The following KRT25 variants were observed in gnomAD, a reference collection of about 807,000 sequenced individuals.
The protein encoded by KRT25 is keratin 25.
A neutral mutation model predicts 47.6 loss-of-function variants in KRT25; 37 were observed. The ratio of observed to expected loss-of-function variants is 0.78; its 90% CI spans 0.60 to 1.02. The LOEUF is 1.02. Ranked by LOEUF, KRT25 falls within the 50% of genes least tolerant of loss-of-function variation. KRT25 has a pLI of 0.00. For synonymous variants in KRT25, 203 were observed against 210.2 expected (o/e 0.97, Z 0.30); for missense variants, 542 against 550.3 (o/e 0.98, Z 0.15).
At chr17:40,751,954 T>C (rs2038054699) in intron 3 of KRT25, among the ~76,000 whole-genome samples, 1 of 151,916 alleles carries the variant, frequency 6.6e-6, no homozygotes, top group Admixed American at 6.6e-5. Flanking sequence ...GAATCCCAGC[T>C]GTCTATTAAG....
Position 40,749,298 on chromosome 17 carries a change from A to T in KRT25, c.1203T>A (p.Ser401=). ...CCACATTTCCAGATCCATAATCTTT[A>T]GACTTGTAACCCCCAGACTTACAGG... ...DGACKSGGYK[S]KDYGSGNVGS... is the part of the protein sequence containing the mutation. Residue 401 remains serine (S), a synonymous_variant, in exon 7 of 8, where the codon TCT becomes TCA. Transcript: ENST00000312150. 6.2e-7 allele frequency: 1 copy of T among 1,613,744 alleles called. No homozygotes were observed. Among genetic ancestry groups the T allele is most frequent in the Non-Finnish European group, 8.5e-7 (1 of 1,179,630 alleles).
At chr17:40,750,675 G>C in intron 5 of KRT25, 78 bp from the exon 6 acceptor site, 1 of 1,578,828 alleles carries the variant, frequency 6.3e-7, no homozygotes, top group East Asian at 2.2e-5. Flanking sequence ...ATTTTCTCCT[G>C]CTGTTAACTT....
chr17:40,755,255 G>A lies in KRT25; in HGVS notation c.17C>T (p.Ser6Phe). The A allele has an allele frequency of 6.2e-7, 1 of 1,613,542 alleles. No homozygotes were observed. Among genetic ancestry groups the A allele is most frequent in the South Asian group, 1.1e-5 (1 of 91,006 alleles). MSLRL[S>F]SASRRSCPRP... ...AGGACAGGACCTCCTGGATGCACTG[G>A]AAAGTCGAAGAGACATGGTATCAGG... is the stretch of plus-strand genomic sequence containing the variant. Residue 6 changes from serine (S) to phenylalanine (F), a missense_variant, in exon 1 of 8, where the codon TCC becomes TTC. Physicochemically the swap from Ser to Phe is radical, Grantham distance 155. Coordinates refer to ENST00000312150, the MANE Select transcript of KRT25 (RefSeq NM_181534.4).
chr17:40,754,337 G>A (rs914524641), intron 2 of KRT25, 49 bp downstream of exon 2: 1 of 1,429,632 alleles, frequency 7.0e-7, no homozygotes, highest in Admixed American at 1.7e-5. Flanking sequence ...TTGATGTAAT[G>A]CGTTGCATGA....
At chr17:40,752,690 T>C (rs1328087256) in intron 3 of KRT25, among the ~76,000 whole-genome samples, 2 of 152,208 alleles carry the variant, frequency 1.3e-5, no homozygotes, top group Admixed American at 6.5e-5. Flanking sequence ...CAATTGCTTT[T>C]GATTCATCAA....
At position 40,748,079 on chromosome 17, in the gene KRT25, A is replaced by G; in HGVS notation, c.*198T>C. 1 of 443,732 alleles carries G rather than the reference A, an allele frequency of 2.3e-6. No individual in the cohort carries two copies. The highest frequency in any genetic ancestry group is 3.7e-5 in the East Asian group (1 of 26,902). 27.5% of individuals were successfully genotyped at this position (443,732 alleles called of 1,614,324 possible). ...AGAATTGACAACAGATTTCTGTAGG[A>G]TAATCAAATGAGTCATATTTGTGTG... On this transcript the variant is annotated 3_prime_UTR_variant, in exon 8 of 8. Transcript: ENST00000312150.
chr17:40,751,877 TGC>T (rs1491436451), intron 3 of KRT25, among the ~76,000 whole-genome samples: 2 of 87,190 alleles, frequency 2.3e-5, no homozygotes, highest in Non-Finnish European at 5.0e-5. Context: ...TGTGTGTGTG[TGC>T]GTGCGTGTGT....
chr17:40,751,881 TGC>T (rs140759175), intron 3 of KRT25, among the ~76,000 whole-genome samples: 36 of 83,322 alleles, frequency 4.3e-4, no homozygotes, highest in South Asian at 8.2e-4. Flanking sequence ...TGTGTGTGCG[TGC>T]GTGTGTGTGT....
rs1400040296 is a variant in KRT25, at chr17:40,750,418, T to G, written c.1137A>C (p.Glu379Asp). ...CTATAAGGAGACAGTAGGTCTCAAT[T>G]TCTTTTTCCAGGTGGAGCTTGATGT... ...LLDIKLHLEK[E>D]IETYCLLIGG... Residue 379 changes from glutamate (E) to aspartate (D), a missense_variant, in exon 6 of 8, where the codon GAA (glutamate) becomes GAC (aspartate). By Grantham distance (45) the Glu-to-Asp change is conservative. Coordinates refer to ENST00000312150, the MANE Select transcript of KRT25 (RefSeq NM_181534.4). 3 of 1,613,984 alleles carry G rather than the reference T, an allele frequency of 1.9e-6. No homozygotes were observed. In the Admixed American group the frequency reaches 5.0e-5, roughly 27 times the overall value.
rs116486659 is a variant in KRT25 at position 40,749,149 on chromosome 17, C to T, written c.1243+109G>A. On this transcript the variant is annotated intron_variant, in intron 7 of 7. Transcript: ENST00000312150. ...TCAAATAATATGCACAACAAACCTCCGTGACACGTGTTTACCTATGTAACA... is the reference window on the plus strand; with the variant it reads ...TCAAATAATATGCACAACAAACCTCTGTGACACGTGTTTACCTATGTAACA... 1,041 of 784,974 alleles carry T rather than the reference C, an allele frequency of 1.3e-3. 10 individuals are homozygous for T. In the African/African-American group the frequency reaches 0.016, roughly 12 times the overall value. The allele number at this position is 784,974 out of a possible 1,614,324, so 48.6% of individuals were successfully genotyped here. A position where few individuals can be genotyped will look rare whatever the true frequency, so the allele number is the denominator to read the frequency against.
chr17:40,753,683 CAAAAAAAAAAAAAAAAAA>C (rs60610884), intron 3 of KRT25, among the ~76,000 whole-genome samples, 159 bp downstream of exon 3: 37 of 30,458 alleles, frequency 1.2e-3, no homozygotes, highest in East Asian at 0.011. Flanking sequence ...GACTCCGTCT[CAAAAAAAAAAAAAAAAAA>C]AAAAAAAAAA....
At chr17:40,752,808 G>A (rs893026848) in intron 3 of KRT25, among the ~76,000 whole-genome samples, 1 of 152,158 alleles carries the variant, frequency 6.6e-6, no homozygotes, top group Non-Finnish European at 1.5e-5. Flanking sequence ...AATCAAGTAG[G>A]ATTCTTAGCT....
At position 40,750,442 on chromosome 17, in the gene KRT25, G is replaced by A. The variant is rs746408008; in HGVS notation, c.1113C>T (p.Asp371=). 8.1e-6 allele frequency: 13 copies of A among 1,613,820 alleles called. No homozygotes were observed. In the South Asian group the frequency reaches 1.3e-4, roughly 16 times the overall value. ...TTTCTTTTTCCAGGTGGAGCTTGAT[G>A]TCCAGGAGCTGCTCATACTCCAGCT... is the stretch of plus-strand genomic sequence containing the variant. ...GQKLEYEQLL[D]IKLHLEKEIE... Residue 371 remains aspartate (D), a synonymous_variant, in exon 6 of 8, where the codon GAC becomes GAT. Coordinates refer to ENST00000312150, the MANE Select transcript of KRT25 (RefSeq NM_181534.4).
At chr17:40,749,182 C>G (rs2038023417) in intron 7 of KRT25, 76 bp downstream of exon 7, 2 of 1,103,776 alleles carry the variant, frequency 1.8e-6, no homozygotes, top group Non-Finnish European at 2.8e-6. Flanking sequence ...ACAAACCTTC[C>G]AATGTACCCC....
chr17:40,755,205 G>A lies in KRT25; in HGVS notation c.67C>T (p.Leu23Phe). ...CCAAAGCTGGTTCCCCCACCATAGA[G>A]TCTGAGTGATCCAGTGGTGGGACGA... ...CPRPTTGSLR[L>F]YGGGTSFGTG... is the part of the protein sequence containing the mutation. Residue 23 changes from leucine (L) to phenylalanine (F), a missense_variant, in exon 1 of 8, where the codon CTC becomes TTC. Coordinates refer to ENST00000312150, the MANE Select transcript of KRT25 (RefSeq NM_181534.4). The A allele has an allele frequency of 4.3e-6, 7 of 1,614,208 alleles. No individual in the cohort carries two copies. Among genetic ancestry groups the A allele is most frequent in the Middle Eastern group, 1.6e-4 (1 of 6,062 alleles).
chr17:40,748,358 T>G lies in KRT25; in HGVS notation c.1272A>C (p.Lys424Asn). 6.2e-7 allele frequency: 1 copy of G among 1,612,762 alleles called. No homozygotes were observed. The highest frequency in any genetic ancestry group is 1.1e-5 in the South Asian group (1 of 90,708). Residue 424 changes from lysine (K) to asparagine (N), a missense_variant, in exon 8 of 8, where the codon AAA (lysine) becomes AAC (asparagine). Lys to Asn is a moderately conservative substitution (Grantham distance 94). Coordinates refer to ENST00000312150, the MANE Select transcript of KRT25 (RefSeq NM_181534.4). ...TGCGTTGGTCTACCTCCTCAAGAAC[T>G]TTCTTAACCACTATGGCTTTGGCTG... ...KDPAKAIVVK[K>N]VLEEVDQRSK...
chr17:40,751,978 A>G (rs925817868), intron 3 of KRT25, among the ~76,000 whole-genome samples: 3 of 152,094 alleles, frequency 2.0e-5, no homozygotes, highest in Non-Finnish European at 4.4e-5. Context: ...ATACAGGGAC[A>G]TTACAGTATC....
At chr17:40,749,100 G>A (rs1464049629) in intron 7 of KRT25, among the ~76,000 whole-genome samples, 158 bp downstream of exon 7, 3 of 152,094 alleles carry the variant, frequency 2.0e-5, no homozygotes, top group Non-Finnish European at 4.4e-5. Context: ...TAACTATTGG[G>A]TACCGGGCTT....
chr17:40,752,471 T>A lies in KRT25; in HGVS notation c.670-1145A>T, dbSNP rs2038059035. The stretch of plus-strand genomic sequence containing the variant: ...TTCATTCCTCCCTGCAGCGAGCCCC[T>A]CAGCCATTCCAGCCTTCTTTCCTCC... On this transcript the variant is annotated intron_variant, in intron 3 of 7. Coordinates refer to ENST00000312150, the MANE Select transcript of KRT25 (RefSeq NM_181534.4). 2.0e-5 allele frequency among the ~76,000 whole-genome samples: 3 copies of A among 152,204 alleles called. No individual in the cohort carries two copies. The East Asian group carries it at 5.8e-4, about 29-fold the overall frequency.
Sources: allele counts gnomAD v4.1 joint callset (sites outside exome capture counted in the v4.1 genomes callset), GRCh38; gene constraint gnomAD v4.1.1; transcripts MANE v1.5; gene names NCBI Gene and HGNC (gene_info 2026-07-23, HGNC 2026-07-21).